RHBDL3: variants seen among roughly 807,000 people sequenced by gnomAD.
RHBDL3 encodes rhomboid like 3.
Under a neutral mutation model 48.2 loss-of-function variants are expected in RHBDL3, and 28 were observed. That is an observed-to-expected ratio of 0.58 (90% CI 0.43 to 0.80). RHBDL3 has a LOEUF of 0.80. RHBDL3 is among the 30% of genes least tolerant of loss of function. RHBDL3 has a pLI of 0.00. For missense variants in RHBDL3, 464 were observed against 542.7 expected, an observed-to-expected ratio of 0.85 and a Z score of 1.44; for synonymous variants, 208 against 232.3, an observed-to-expected ratio of 0.90 and a Z score of 0.95.
At chr17:32,274,271 G>T (rs963787871) in intron 2 of RHBDL3, among the ~76,000 whole-genome samples, 1 of 152,166 alleles carries the variant, frequency 6.6e-6, no homozygotes, top group African/African-American at 2.4e-5. Flanking sequence ...CCTCTGTCTG[G>T]TGTTCTGATC....
chr17:32,276,823 G>A (rs867216071), intron 2 of RHBDL3, among the ~76,000 whole-genome samples: 171 of 63,212 alleles, frequency 2.7e-3, no homozygotes, highest in South Asian at 3.5e-3. Context: ...ACAGTACTCC[G>A]GCCCTAGCAC....
intron 8 of RHBDL3, among the ~76,000 whole-genome samples, chr17:32,319,229 T>C (rs1055252058): frequency 6.6e-6 from 1 of 151,896 alleles, no homozygotes; most frequent in Non-Finnish European, 1.5e-5. Context: ...GAGACCATCC[T>C]GGCTAACACG....
chr17:32,279,383 C>T (rs2039987997), intron 2 of RHBDL3, among the ~76,000 whole-genome samples: 1 of 152,192 alleles, frequency 6.6e-6, no homozygotes, highest in South Asian at 2.1e-4. Context: ...AGTGCCCTCC[C>T]CAGCACCTCT....
intron 5 of RHBDL3, 42 bp downstream of exon 5, chr17:32,294,484 G>C (rs1219612210): frequency 8.3e-6 from 13 of 1,563,170 alleles, no homozygotes; most frequent in Non-Finnish European, 1.1e-5. Flanking sequence ...AGACCCTACA[G>C]AAAAATAAGT....
At chr17:32,305,213 A>G (rs946552780) in intron 6 of RHBDL3, 128 bp from the exon 7 acceptor site, 12 of 684,368 alleles carry the variant, frequency 1.8e-5, no homozygotes, top group Non-Finnish European at 2.7e-5. Flanking sequence ...CATGGACTCA[A>G]AGGAGGAAGA....
intron 7 of RHBDL3, among the ~76,000 whole-genome samples, chr17:32,306,926 A>G (rs1484615181): frequency 6.6e-6 from 1 of 152,076 alleles, no homozygotes; most frequent in Non-Finnish European, 1.5e-5. Context: ...GTCTCAATTT[A>G]AAGAAAAGAA....
At chr17:32,315,895 C>G (rs1016547553) in intron 7 of RHBDL3, among the ~76,000 whole-genome samples, 1 of 151,784 alleles carries the variant, frequency 6.6e-6, no homozygotes, top group Admixed American at 6.6e-5. Context: ...CTTGACTTTG[C>G]TTGGTTGGCT....
intron 2 of RHBDL3, among the ~76,000 whole-genome samples, chr17:32,277,575 C>T (rs2039944689): frequency 6.6e-6 from 1 of 152,180 alleles, no homozygotes; most frequent in Admixed American, 6.5e-5. Flanking sequence ...GCCTGGTGTC[C>T]CCAGTCAACC....
intron 4 of RHBDL3, among the ~76,000 whole-genome samples, chr17:32,290,651 G>A (rs1365735543): frequency 6.6e-6 from 1 of 152,136 alleles, no homozygotes; most frequent in East Asian, 1.9e-4. Flanking sequence ...GCAGCCGACA[G>A]CCTGGCAGTG....
chr17:32,282,103 A>G (rs1473328317), intron 2 of RHBDL3, among the ~76,000 whole-genome samples: 1 of 152,226 alleles, frequency 6.6e-6, no homozygotes, highest in Non-Finnish European at 1.5e-5. Context: ...CTTAAACAGT[A>G]TTTGGCTCCA....
rs1207639889 is a variant in RHBDL3 at position 32,322,883 on chromosome 17, C to CGCCA, written c.*1656_*1659dup. 1 of 152,374 alleles carries CGCCA rather than the reference C, an allele frequency of 6.6e-6. No individual in the cohort carries two copies. Among genetic ancestry groups the CGCCA allele is most frequent in the East Asian group, 1.9e-4 (1 of 5,180 alleles). The allele number at this position is 152,374 out of a possible 1,614,324, so 9.4% of individuals were successfully genotyped here. ...ACTGACAGCCCAGAAGAACAAAGAA[C>CGCCA]GCCAGGCCTGGGAGGAGGCAGGGGG... is the stretch of plus-strand genomic sequence containing the variant. On this transcript the variant is annotated 3_prime_UTR_variant, in exon 9 of 9. Transcript: ENST00000269051.
At chr17:32,301,894 G>T (rs1041643031) in intron 6 of RHBDL3, among the ~76,000 whole-genome samples, 1 of 115,612 alleles carries the variant, frequency 8.6e-6, no homozygotes, top group Non-Finnish European at 2.0e-5. Flanking sequence ...TTTTTATTTG[G>T]ATTTTTTTTA....
At chr17:32,279,159 T>C (rs1421626643) in intron 2 of RHBDL3, among the ~76,000 whole-genome samples, 4 of 152,154 alleles carry the variant, frequency 2.6e-5, no homozygotes, top group African/African-American at 9.7e-5. Flanking sequence ...ATTAATATGC[T>C]TGGACAACAG....
At chr17:32,301,072 G>A (rs1052199028) in intron 6 of RHBDL3, among the ~76,000 whole-genome samples, 2 of 151,990 alleles carry the variant, frequency 1.3e-5, no homozygotes, top group Admixed American at 1.3e-4. Flanking sequence ...AGTAGAGACG[G>A]GGTTTCACCG....
At chr17:32,278,156 G>A (rs944536356) in intron 2 of RHBDL3, among the ~76,000 whole-genome samples, 5 of 152,114 alleles carry the variant, frequency 3.3e-5, no homozygotes, top group Non-Finnish European at 5.9e-5. Flanking sequence ...AAAATTAGCC[G>A]GGTGTGGTGG....
chr17:32,285,514 A>G (rs942381127), intron 3 of RHBDL3, among the ~76,000 whole-genome samples: 3 of 152,094 alleles, frequency 2.0e-5, no homozygotes, highest in African/African-American at 7.2e-5. Flanking sequence ...GATCCTGCCC[A>G]GCGGTCTGTT....
intron 2 of RHBDL3, among the ~76,000 whole-genome samples, chr17:32,282,172 A>G (rs1490270860): frequency 6.6e-6 from 1 of 152,258 alleles, no homozygotes; most frequent in Admixed American, 6.5e-5. Context: ...CTGAGCAACA[A>G]GTAGGTGAGT....
chr17:32,318,778 T>C (rs2041035545), intron 8 of RHBDL3, among the ~76,000 whole-genome samples: 1 of 152,088 alleles, frequency 6.6e-6, no homozygotes, highest in African/African-American at 2.4e-5. Flanking sequence ...AAACCTGGGA[T>C]GGAGGGTCAG....
intron 7 of RHBDL3, among the ~76,000 whole-genome samples, chr17:32,310,425 C>CA (rs1048848325): frequency 2.0e-5 from 3 of 151,812 alleles, no homozygotes; most frequent in Admixed American, 6.6e-5. Context: ...CTAAAAAATA[C>CA]AAAAAACTGG....
Sources: gnomAD v4.1 joint callset for allele counts (sites outside exome capture counted in the v4.1 genomes callset) on GRCh38, gnomAD v4.1.1 for gene constraint, MANE v1.5 for transcripts, NCBI Gene and HGNC (gene_info 2026-07-23, HGNC 2026-07-21) for gene names.